PRMT3: variants seen among roughly 807,000 people sequenced by gnomAD.
PRMT3 encodes the protein protein arginine methyltransferase 3.
In PRMT3, 62 loss-of-function variants were observed where a neutral mutation model predicts 71.9. That is an observed-to-expected ratio of 0.86 (90% CI 0.70 to 1.07). The LOEUF (loss-of-function observed/expected upper bound fraction) is 1.07. Ranked by LOEUF, PRMT3 falls within the 50% of genes least tolerant of loss-of-function variation. The pLI is 0.00. For synonymous variants in PRMT3, 213 were observed against 220.4 expected (o/e 0.97, Z 0.30); for missense variants, 663 against 643.0 (o/e 1.03, Z -0.34).
intron 15 of PRMT3, among the ~76,000 whole-genome samples, chr11:20,507,329 C>CT (rs1851614338): frequency 6.6e-6 from 1 of 152,148 alleles, no homozygotes; most frequent in Admixed American, 6.6e-5. Context: ...GGGACCATAT[C>CT]TTTTTTCTAG....
chr11:20,438,865 CTT>C (rs1299016178), intron 10 of PRMT3, among the ~76,000 whole-genome samples: 1 of 152,152 alleles, frequency 6.6e-6, no homozygotes, highest in African/African-American at 2.4e-5. Context: ...CCCCAGTACT[CTT>C]TTCCCAGGAG....
chr11:20,494,301 A>T, intron 15 of PRMT3, 47 bp downstream of exon 15: 1 of 1,417,826 alleles, frequency 7.1e-7, no homozygotes, highest in African/African-American at 1.4e-5. Context: ...TTCTGAAGTA[A>T]ATGATATTCA....
intron 8 of PRMT3, among the ~76,000 whole-genome samples, chr11:20,404,227 T>TGG (rs1565196839): frequency 1.6e-5 from 1 of 63,320 alleles, no homozygotes; most frequent in African/African-American, 5.6e-5. Flanking sequence ...TTTTTTTTTT[T>TGG]TTTTTTTTTT....
chr11:20,479,600 G>A (rs1347508333), intron 13 of PRMT3, among the ~76,000 whole-genome samples: 1 of 152,182 alleles, frequency 6.6e-6, no homozygotes, highest in Non-Finnish European at 1.5e-5. Context: ...CAAGAGATTA[G>A]GTGAAGTATG....
chr11:20,425,956 A>G (rs904303732), intron 9 of PRMT3, among the ~76,000 whole-genome samples: 1 of 152,248 alleles, frequency 6.6e-6, no homozygotes, highest in African/African-American at 2.4e-5. Context: ...TATAGTTACA[A>G]TGTACATTCT....
Position 20,464,540 on chromosome 11 carries a change from G to A in PRMT3, c.1341G>A (p.Met447Ile), listed in dbSNP as rs753397498. The A allele has an allele frequency of 1.8e-5, 29 of 1,610,596 alleles. No individual in the cohort carries two copies. Among genetic ancestry groups the A allele is most frequent in the Middle Eastern group, 3.3e-4 (2 of 6,066 alleles). Residue 447 changes from methionine (M) to isoleucine (I), a missense_variant, in exon 13 of 16, where the codon ATG (methionine) becomes ATA (isoleucine). Physicochemically the swap from Met to Ile is conservative, Grantham distance 10 (BLOSUM62 1). Transcript: ENST00000331079. ...DFTLKITRTSMCTAIAGYFDI... is the reference protein window; with the variant it reads ...DFTLKITRTSICTAIAGYFDI... ...CCCTGAAAATCACAAGGACATCCATGTGCACGGTAAGCTATTTCATTCTGC... is the reference window on the plus strand; with the variant it reads ...CCCTGAAAATCACAAGGACATCCATATGCACGGTAAGCTATTTCATTCTGC...
intron 13 of PRMT3, among the ~76,000 whole-genome samples, chr11:20,481,318 C>T (rs1198515473): frequency 6.6e-6 from 1 of 151,396 alleles, no homozygotes; most frequent in Non-Finnish European, 1.5e-5. Flanking sequence ...ATGATTCTGC[C>T]CTCCTTTTTA....
chr11:20,430,304 T>C (rs1438334865), intron 10 of PRMT3, among the ~76,000 whole-genome samples: 1 of 152,224 alleles, frequency 6.6e-6, no homozygotes, highest in African/African-American at 2.4e-5. Flanking sequence ...AATGGATGTG[T>C]AATCCGGTAT....
Position 20,461,847 on chromosome 11 carries a change from C to G in PRMT3, c.1073-133C>G, listed in dbSNP as rs919197923. The G allele has an allele frequency of 2.1e-5, 15 of 705,172 alleles. No homozygotes were observed. The African/African-American group carries it at 2.2e-4, about 10-fold the overall frequency. 43.7% of individuals were successfully genotyped at this position (705,172 alleles called of 1,614,324 possible). A position where few individuals can be genotyped will look rare whatever the true frequency, so the allele number is the denominator to read the frequency against. On this transcript the variant is annotated intron_variant, in intron 11 of 15. Coordinates refer to ENST00000331079, the MANE Select transcript of PRMT3 (RefSeq NM_005788.4). ...ATGAAGCATGGTTGTTTTTCCTGATCTATACCTTCATTAATCTCCCATTGC... is the reference window on the plus strand; with the variant it reads ...ATGAAGCATGGTTGTTTTTCCTGATGTATACCTTCATTAATCTCCCATTGC...
At chr11:20,465,891 A>G (rs964300962) in intron 13 of PRMT3, among the ~76,000 whole-genome samples, 1 of 152,064 alleles carries the variant, frequency 6.6e-6, no homozygotes, top group African/African-American at 2.4e-5. Flanking sequence ...TTGTTTTGAT[A>G]TTATTAATAC....
In PRMT3 at chr11:20,387,928, G is replaced by A. The variant is rs747610841; in HGVS notation, c.29-91G>A. On this transcript the variant is annotated intron_variant, in intron 1 of 15. Transcript: ENST00000331079. This position sits in a 1 kb window ranked among gnomAD's most constrained non-coding sequence, Gnocchi z 4.3. ...GCTGAGTGAGGGCCGCGGGCGAACG[G>A]GGCGGAGGAGAGCCCATCGTCACCT... 34 of 1,593,572 alleles carry A rather than the reference G, an allele frequency of 2.1e-5. No individual in the cohort carries two copies. The highest frequency in any genetic ancestry group is 2.9e-5 in the Non-Finnish European group (34 of 1,169,578).
intron 10 of PRMT3, among the ~76,000 whole-genome samples, chr11:20,448,962 C>T (rs188160407): frequency 6.6e-6 from 1 of 152,252 alleles, no homozygotes; most frequent in Non-Finnish European, 1.5e-5. Context: ...GTCTGAATTA[C>T]ACTGCAGATG....
At chr11:20,412,997 A>G (rs1849228331) in intron 9 of PRMT3, among the ~76,000 whole-genome samples, 1 of 152,166 alleles carries the variant, frequency 6.6e-6, no homozygotes, top group South Asian at 2.1e-4. Context: ...CCTCATAGCC[A>G]GTTTGCAATT....
At chr11:20,388,442 C>T (rs1848644703) in intron 2 of PRMT3, among the ~76,000 whole-genome samples, 1 of 152,238 alleles carries the variant, frequency 6.6e-6, no homozygotes. Flanking sequence ...TGATACTGAA[C>T]TCTGCACCTG....
chr11:20,405,422 C>T (rs1414991922), intron 8 of PRMT3: 1 of 152,078 alleles, frequency 6.6e-6, no homozygotes, highest in African/African-American at 2.4e-5. Context: ...AGCTAATCTG[C>T]TTGATCACCT....
intron 2 of PRMT3, among the ~76,000 whole-genome samples, chr11:20,389,342 G>C (rs1215633506): frequency 6.6e-6 from 1 of 152,202 alleles, no homozygotes; most frequent in African/African-American, 2.4e-5. Context: ...AAAGCAGTTT[G>C]AGCTGTGCCA....
intron 10 of PRMT3, among the ~76,000 whole-genome samples, chr11:20,444,861 CTCTT>C (rs1157499170): frequency 1.3e-5 from 2 of 151,978 alleles, no homozygotes; most frequent in Non-Finnish European, 2.9e-5. Flanking sequence ...TCAGGGTTGT[CTCTT>C]TCTCTTTTCA....
intron 15 of PRMT3, among the ~76,000 whole-genome samples, chr11:20,501,408 G>A (rs1392454804): frequency 1.3e-5 from 2 of 152,070 alleles, no homozygotes; most frequent in Non-Finnish European, 2.9e-5. Flanking sequence ...GTCATCTAGT[G>A]TCCATATTTG....
In PRMT3 at chr11:20,404,211, G is replaced by GTTTTTTTTTTTTT. The variant is rs71063629; in HGVS notation, c.771+1256_771+1268dup. 8.7e-5 allele frequency among the ~76,000 whole-genome samples: 3 copies of GTTTTTTTTTTTTT among 34,332 alleles called. 1 individual carries two copies. Among genetic ancestry groups the GTTTTTTTTTTTTT allele is most frequent in the East Asian group, 2.5e-3 (2 of 800 alleles). The allele number at this position is 34,332 out of a possible 152,430, so 22.5% of individuals were successfully genotyped here. A position where few individuals can be genotyped will look rare whatever the true frequency, so the allele number is the denominator to read the frequency against. ...GTTACTATAGTGGAGACTTTTCATAGTTTTTTTTTTTTTTTTTTTTTTTTT... is the reference window on the plus strand; with the variant it reads ...GTTACTATAGTGGAGACTTTTCATAGTTTTTTTTTTTTTTTTTTTTTTTTTTTTTTTTTTTTTT... On this transcript the variant is annotated intron_variant, in intron 8 of 15. Transcript: ENST00000331079.
Sources: gnomAD v4.1 joint callset for allele counts (sites outside exome capture counted in the v4.1 genomes callset) on GRCh38, gnomAD v4.1.1 for gene constraint, Gnocchi (gnomAD v3.1) non-coding constraint, MANE v1.5 for transcripts, NCBI Gene and HGNC (gene_info 2026-07-23, HGNC 2026-07-21) for gene names.